PDGFD: variants seen among roughly 807,000 people sequenced by gnomAD.
PDGFD encodes the protein platelet derived growth factor D, also known as platelet-derived growth factor D.
Under a neutral mutation model 44.7 loss-of-function variants are expected in PDGFD, and 30 were observed. That is an observed-to-expected ratio of 0.67 (90% CI 0.50 to 0.91). PDGFD has a LOEUF of 0.91. PDGFD is among the 40% of genes least tolerant of loss of function. The probability of loss-of-function intolerance (pLI) is 0.00; values close to 1 mark genes in which losing one functional copy is unlikely to be tolerated. For synonymous variants in PDGFD, 173 were observed against 168.4 expected (o/e 1.03, Z -0.21); for missense variants, 445 against 457.8 (o/e 0.97, Z 0.25).
intron 1 of PDGFD, among the ~76,000 whole-genome samples, chr11:104,042,008 A>G (rs577016705): frequency 1.3e-5 from 2 of 152,326 alleles, no homozygotes; most frequent in Admixed American, 1.3e-4. Context: ...TCACTAGGAA[A>G]TTGTATGCAA....
intron 1 of PDGFD, among the ~76,000 whole-genome samples, chr11:104,099,734 G>A (rs77086068): frequency 0.017 from 2,611 of 150,788 alleles, 67 homozygotes; most frequent in African/African-American, 0.06. Flanking sequence ...AACTTAAATT[G>A]CTTCATTTAC....
At chr11:103,960,640 C>A (rs925399509) in intron 3 of PDGFD, among the ~76,000 whole-genome samples, 1 of 152,168 alleles carries the variant, frequency 6.6e-6, no homozygotes, top group African/African-American at 2.4e-5. Context: ...GTATCAGCAA[C>A]TTTAAGTTTT....
intron 3 of PDGFD, among the ~76,000 whole-genome samples, chr11:103,957,385 T>C (rs981680056): frequency 6.6e-6 from 1 of 151,948 alleles, no homozygotes; most frequent in South Asian, 2.1e-4. Flanking sequence ...TCATGTGGAA[T>C]CAAAAAAGAG....
chr11:103,985,529 A>G lies in PDGFD; in HGVS notation c.510+10536T>C, dbSNP rs118014574. ...GGCTAGTGATATTTTTGACACGAAT[A>G]TGACTTTGACAGGGAGAAGAGGGCT... On this transcript the variant is annotated intron_variant, in intron 3 of 6. Coordinates refer to ENST00000393158, the MANE Select transcript of PDGFD (RefSeq NM_025208.5). Among the ~76,000 whole-genome samples, 157 of 151,866 alleles carry G rather than the reference A, an allele frequency of 1.0e-3. 1 individual carries two copies. Among genetic ancestry groups the G allele is most frequent in the Non-Finnish European group, 1.9e-3 (127 of 68,010 alleles).
chr11:104,003,619 A>G (rs1288780502), intron 1 of PDGFD, among the ~76,000 whole-genome samples: 1 of 152,204 alleles, frequency 6.6e-6, no homozygotes, highest in East Asian at 1.9e-4. Context: ...TATTATTGAT[A>G]CTCAAGGATG....
At chr11:104,026,303 A>G (rs911590992) in intron 1 of PDGFD, among the ~76,000 whole-genome samples, 1 of 152,232 alleles carries the variant, frequency 6.6e-6, no homozygotes, top group Admixed American at 6.5e-5. Context: ...TTAATTGTCT[A>G]CTAATAGTTT....
intron 1 of PDGFD, among the ~76,000 whole-genome samples, chr11:104,047,335 GAACT>G (rs1860459696): frequency 6.8e-6 from 1 of 147,402 alleles, no homozygotes; most frequent in African/African-American, 2.5e-5. Flanking sequence ...CACAATAGTT[GAACT>G]AACTTACACT....
intron 1 of PDGFD, among the ~76,000 whole-genome samples, chr11:104,127,560 G>T (rs998646673): frequency 6.6e-6 from 1 of 152,126 alleles, no homozygotes; most frequent in East Asian, 1.9e-4. Context: ...TAACTGCAAA[G>T]AATAGCCTTT....
At chr11:104,145,743 G>A (rs76892468) in intron 1 of PDGFD, among the ~76,000 whole-genome samples, 3,976 of 152,160 alleles carry the variant, frequency 0.026, 197 homozygotes, top group African/African-American at 0.091. Flanking sequence ...TGTATCTGTT[G>A]AAGTCCTGAC....
intron 1 of PDGFD, among the ~76,000 whole-genome samples, chr11:104,071,289 T>A (rs571014026): frequency 2.0e-5 from 3 of 151,974 alleles, no homozygotes; most frequent in Non-Finnish European, 1.5e-5. Flanking sequence ...TTAAGTTGAA[T>A]ATGTTTACTT....
At chr11:104,046,997 T>C (rs1300726847) in intron 1 of PDGFD, among the ~76,000 whole-genome samples, 1 of 146,824 alleles carries the variant, frequency 6.8e-6, no homozygotes, top group East Asian at 2.0e-4. Context: ...GGTGCTTGGT[T>C]TTCTGTTCCT....
chr11:103,983,879 GT>G (rs1343935001), intron 3 of PDGFD, among the ~76,000 whole-genome samples: 1 of 151,704 alleles, frequency 6.6e-6, no homozygotes, highest in Non-Finnish European at 1.5e-5. Flanking sequence ...AGTCAGAATG[GT>G]TATTAGTAAA....
chr11:104,041,389 T>G (rs1481200152), intron 1 of PDGFD, among the ~76,000 whole-genome samples: 1 of 150,202 alleles, frequency 6.7e-6, no homozygotes, highest in Non-Finnish European at 1.5e-5. Context: ...TTAATGTGTC[T>G]AAAATGTTCA....
chr11:104,029,894 A>G (rs918449759), intron 1 of PDGFD, among the ~76,000 whole-genome samples: 2 of 152,210 alleles, frequency 1.3e-5, no homozygotes, highest in African/African-American at 2.4e-5. Context: ...AAACTATGAT[A>G]TCCACTAATT....
intron 1 of PDGFD, among the ~76,000 whole-genome samples, chr11:104,138,845 T>C (rs1862045301): frequency 6.6e-6 from 1 of 152,144 alleles, no homozygotes; most frequent in South Asian, 2.1e-4. Context: ...CACTGAAACC[T>C]CCACCTCCCA....
intron 1 of PDGFD, among the ~76,000 whole-genome samples, chr11:104,079,023 T>C (rs980702772): frequency 1.2e-4 from 19 of 152,206 alleles, no homozygotes; most frequent in African/African-American, 4.6e-4. Context: ...TGCTTTAAAA[T>C]ATAACTGGTT....
chr11:103,960,263 C>T (rs879785314), intron 3 of PDGFD, among the ~76,000 whole-genome samples: 3 of 152,166 alleles, frequency 2.0e-5, no homozygotes, highest in Non-Finnish European at 4.4e-5. Flanking sequence ...TGAACTATTG[C>T]TTCTCCTCTA....
intron 5 of PDGFD, among the ~76,000 whole-genome samples, chr11:103,936,269 G>A (rs1033825627): frequency 1.3e-5 from 2 of 152,056 alleles, no homozygotes; most frequent in African/African-American, 2.4e-5. Context: ...CACTGGTGTC[G>A]GCCAACAGCT....
At chr11:104,029,999 T>A (rs1460572099) in intron 1 of PDGFD, among the ~76,000 whole-genome samples, 1 of 152,052 alleles carries the variant, frequency 6.6e-6, no homozygotes, top group Non-Finnish European at 1.5e-5. Context: ...AAGTGGAAAA[T>A]TCCACACCTG....
Sources: gnomAD v4.1 joint callset for allele counts (sites outside exome capture counted in the v4.1 genomes callset) on GRCh38, gnomAD v4.1.1 for gene constraint, MANE v1.5 for transcripts, NCBI Gene and HGNC (gene_info 2026-07-23, HGNC 2026-07-21) for gene names.